Variants in TBC1D19 observed in about 807,000 individuals in gnomAD.
The protein encoded by TBC1D19 is TBC1 domain family, member 19.
In TBC1D19, 60 loss-of-function variants were observed where a neutral mutation model predicts 89.0. The ratio of observed to expected loss-of-function variants is 0.67; its 90% CI spans 0.55 to 0.84. The LOEUF (loss-of-function observed/expected upper bound fraction) is 0.84. TBC1D19 is among the 40% of genes least tolerant of loss of function. The pLI, the probability that TBC1D19 is intolerant of heterozygous loss-of-function variation, is 0.00. For missense variants in TBC1D19, 500 were observed against 610.8 expected, an observed-to-expected ratio of 0.82 and a Z score of 1.91; for synonymous variants, 189 against 199.7, an observed-to-expected ratio of 0.95 and a Z score of 0.45.
the TBC1D19 span, among the ~76,000 whole-genome samples, chr4:26,763,531 C>T: frequency 2.0e-5 from 3 of 152,174 alleles, no homozygotes; most frequent in African/African-American, 4.8e-5. Flanking sequence ...TGAGTTGTCC[C>T]GCCTTTCTGG....
At chr4:26,791,375 T>G in the TBC1D19 span, among the ~76,000 whole-genome samples, 1 of 152,164 alleles carries the variant, frequency 6.6e-6, no homozygotes, top group Admixed American at 6.5e-5. Context: ...GACCTGTGAA[T>G]GAGCAAGGAG....
intron 8 of TBC1D19, among the ~76,000 whole-genome samples, chr4:26,664,526 A>G (rs1711607939): frequency 6.6e-6 from 1 of 152,224 alleles, no homozygotes; most frequent in Non-Finnish European, 1.5e-5. Flanking sequence ...TTTCAATTAC[A>G]GAAGAGTGCC....
intron 13 of TBC1D19, among the ~76,000 whole-genome samples, chr4:26,717,013 A>G (rs1716669979): frequency 6.6e-6 from 1 of 152,078 alleles, no homozygotes; most frequent in South Asian, 2.1e-4. Flanking sequence ...ATATAATGAA[A>G]ACAAAGCAGT....
At chr4:26,850,006 A>T in the TBC1D19 span, among the ~76,000 whole-genome samples, 1 of 152,104 alleles carries the variant, frequency 6.6e-6, no homozygotes. Flanking sequence ...CAGGTACAGG[A>T]TCAGATACTG....
chr4:26,748,602 C>A (rs1718778694), intron 19 of TBC1D19, 76 bp downstream of exon 19: 8 of 1,041,454 alleles, frequency 7.7e-6, no homozygotes, highest in Non-Finnish European at 1.2e-5. Flanking sequence ...CATTCACCAT[C>A]CGTAACTGGA....
At chr4:26,607,048 T>C (rs1015432965) in intron 1 of TBC1D19, among the ~76,000 whole-genome samples, 1 of 152,072 alleles carries the variant, frequency 6.6e-6, no homozygotes, top group African/African-American at 2.4e-5. Context: ...TGTGTATGTG[T>C]GGGAAGGGGA....
At chr4:26,605,188 T>A (rs1365087278) in intron 1 of TBC1D19, among the ~76,000 whole-genome samples, 5 of 144,266 alleles carry the variant, frequency 3.5e-5, no homozygotes, top group Admixed American at 6.9e-5. Context: ...TATCTCCTAA[T>A]GCTATCCCTC....
chr4:26,635,397 T>C (rs1000286142), intron 4 of TBC1D19, among the ~76,000 whole-genome samples: 1 of 152,044 alleles, frequency 6.6e-6, no homozygotes, highest in Non-Finnish European at 1.5e-5. Flanking sequence ...AAATAAGAGG[T>C]ACCAAATAAG....
downstream of TBC1D19, among the ~76,000 whole-genome samples, chr4:26,760,779 C>T (rs1482563100): frequency 1.3e-5 from 2 of 152,126 alleles, no homozygotes; most frequent in African/African-American, 2.4e-5. Flanking sequence ...TTTGCTTCCT[C>T]TCCAAGAAAT....
chr4:26,669,073 A>G (rs1320187047), intron 9 of TBC1D19, among the ~76,000 whole-genome samples: 1 of 151,702 alleles, frequency 6.6e-6, no homozygotes, highest in Non-Finnish European at 1.5e-5. Context: ...GAGCAAGCTC[A>G]GCATTCTTTC....
chr4:26,612,070 A>G (rs1384717175), intron 1 of TBC1D19, among the ~76,000 whole-genome samples: 1 of 151,960 alleles, frequency 6.6e-6, no homozygotes, highest in Non-Finnish European at 1.5e-5. Flanking sequence ...TCAGATAGTC[A>G]GTTGCTTTCT....
intron 14 of TBC1D19, among the ~76,000 whole-genome samples, chr4:26,719,156 A>G (rs1716825867): frequency 6.6e-6 from 1 of 152,102 alleles, no homozygotes; most frequent in African/African-American, 2.4e-5. Flanking sequence ...TATAAACCAC[A>G]TGGTTGAGAG....
intron 9 of TBC1D19, among the ~76,000 whole-genome samples, chr4:26,668,492 C>T (rs2109097772): frequency 6.6e-6 from 1 of 151,966 alleles, no homozygotes; most frequent in East Asian, 1.9e-4. Context: ...ATAATCTCTG[C>T]TTTTAGGGGA....
chr4:26,744,370 A>G (rs143970688), intron 18 of TBC1D19, among the ~76,000 whole-genome samples: 18 of 150,964 alleles, frequency 1.2e-4, no homozygotes, highest in Non-Finnish European at 2.2e-4. Flanking sequence ...TTTCTACTTT[A>G]ATTTTATTTA....
the TBC1D19 span, among the ~76,000 whole-genome samples, chr4:26,840,401 C>T: frequency 6.6e-6 from 1 of 152,130 alleles, no homozygotes; most frequent in African/African-American, 2.4e-5. Flanking sequence ...TAACTATTGG[C>T]TCAATTTTCG....
At chr4:26,672,603 T>C (rs1577912203) in intron 10 of TBC1D19, among the ~76,000 whole-genome samples, 1 of 152,028 alleles carries the variant, frequency 6.6e-6, no homozygotes, top group East Asian at 1.9e-4. Flanking sequence ...CCAGTGACCA[T>C]TCACAGTGGT....
chr4:26,672,112 T>C lies in TBC1D19; in HGVS notation c.665-37T>C, dbSNP rs765395598. 3 of 894,352 alleles carry C rather than the reference T, an allele frequency of 3.4e-6. No homozygotes were observed. The South Asian group carries it at 4.6e-5, about 14-fold the overall frequency. 55.4% of individuals were successfully genotyped at this position (894,352 alleles called of 1,614,324 possible). A position where few individuals can be genotyped will look rare whatever the true frequency, so the allele number is the denominator to read the frequency against. On this transcript the variant is annotated intron_variant, in intron 9 of 20. Coordinates refer to ENST00000264866, the MANE Select transcript of TBC1D19 (RefSeq NM_018317.4). Reference sequence around the variant, plus strand: ...TTGTTCTAAATGTGATTGCTCATACTCATGTCTAATAATTTTAATTTTTTT... The same window carrying C: ...TTGTTCTAAATGTGATTGCTCATACCCATGTCTAATAATTTTAATTTTTTT...
chr4:26,735,001 C>CACATATGTATATGTATATATGTATAA (rs1717918960), intron 15 of TBC1D19, among the ~76,000 whole-genome samples: 2 of 117,036 alleles, frequency 1.7e-5, no homozygotes, highest in East Asian at 2.4e-4. Context: ...TATATGTATA[C>CACATATGTATATGTATATATGTATAA]ACATATGTAT....
chr4:26,816,686 A>G, the TBC1D19 span, among the ~76,000 whole-genome samples: 2 of 152,206 alleles, frequency 1.3e-5, no homozygotes, highest in African/African-American at 4.8e-5. Flanking sequence ...GATGAGGGGC[A>G]TTCTACATAT....
Sources: gnomAD v4.1 joint callset for allele counts (sites outside exome capture counted in the v4.1 genomes callset) on GRCh38, gnomAD v4.1.1 for gene constraint, MANE v1.5 for transcripts, NCBI Gene and HGNC (gene_info 2026-07-23, HGNC 2026-07-21) for gene names.